TRPM3: variants seen among roughly 807,000 people sequenced by gnomAD.
The protein encoded by TRPM3 is long transient receptor potential channel 3.
Under a neutral mutation model 181.2 loss-of-function variants are expected in TRPM3, and 77 were observed. The ratio of observed to expected loss-of-function variants is 0.42; its 90% confidence interval spans 0.35 to 0.51. The LOEUF (loss-of-function observed/expected upper bound fraction) is 0.51. Among genes scored for constraint, TRPM3 ranks in the 20% least tolerant of loss-of-function variants. TRPM3 has a pLI of 0.01. For missense variants in TRPM3, 1,759 were observed against 2,196.7 expected, an observed-to-expected ratio of 0.80 and a Z score of 3.98; for synonymous variants, 745 against 796.4, an observed-to-expected ratio of 0.94 and a Z score of 1.09.
chr9:70,973,104 C>T (rs564561874), intron 1 of TRPM3, among the ~76,000 whole-genome samples: 1 of 152,214 alleles, frequency 6.6e-6, no homozygotes, highest in South Asian at 2.1e-4. Context: ...AGGAGGCAGG[C>T]CCTGGAATTT....
chr9:70,757,918 A>G (rs2077375097), intron 8 of TRPM3, among the ~76,000 whole-genome samples: 1 of 152,334 alleles, frequency 6.6e-6, no homozygotes, highest in South Asian at 2.1e-4. Flanking sequence ...GAGAACTGGC[A>G]CAAGACAGGG....
At chr9:70,979,248 G>T (rs1428570599) in intron 1 of TRPM3, among the ~76,000 whole-genome samples, 2 of 152,088 alleles carry the variant, frequency 1.3e-5, no homozygotes, top group Non-Finnish European at 2.9e-5. Flanking sequence ...TACAGACCTG[G>T]CCAGACATGG....
chr9:71,063,466 GTGT>G (rs1249015760), intron 1 of TRPM3, among the ~76,000 whole-genome samples: 1 of 152,148 alleles, frequency 6.6e-6, no homozygotes, highest in African/African-American at 2.4e-5. Flanking sequence ...TGGCAGGACT[GTGT>G]TGTTAAGTAA....
chr9:70,679,856 G>A (rs926457314), intron 9 of TRPM3, among the ~76,000 whole-genome samples: 3 of 152,090 alleles, frequency 2.0e-5, no homozygotes, highest in African/African-American at 7.2e-5. Context: ...AGGGTAACTT[G>A]CCTCAAATTT....
At chr9:70,976,435 C>T (rs761303141) in intron 1 of TRPM3, among the ~76,000 whole-genome samples, 43 of 152,098 alleles carry the variant, frequency 2.8e-4, no homozygotes, top group Non-Finnish European at 6.0e-4. Context: ...AAGCATATGC[C>T]GGAGTAAAGA....
intron 1 of TRPM3, among the ~76,000 whole-genome samples, chr9:70,877,804 A>AAGACACACAC (rs146067329): frequency 6.8e-6 from 1 of 146,112 alleles, no homozygotes; most frequent in African/African-American, 2.6e-5. Flanking sequence ...AAAATCATAA[A>AAGACACACAC]ACACACACAC....
chr9:70,855,485 G>A (rs770199634), intron 3 of TRPM3, among the ~76,000 whole-genome samples: 4 of 152,118 alleles, frequency 2.6e-5, no homozygotes, highest in Admixed American at 6.5e-5. Context: ...CTACTCTCTC[G>A]GAAATATTAA....
chr9:71,073,311 G>A (rs932907985), intron 1 of TRPM3, among the ~76,000 whole-genome samples: 1 of 152,158 alleles, frequency 6.6e-6, no homozygotes, highest in Non-Finnish European at 1.5e-5. Context: ...TTGAGCCAAA[G>A]TCTTACTTTT....
intron 1 of TRPM3, among the ~76,000 whole-genome samples, chr9:71,072,877 ATGTGAACT>A (rs1271511246): frequency 6.6e-6 from 1 of 152,168 alleles, no homozygotes; most frequent in African/African-American, 2.4e-5. Flanking sequence ...GTTAGCAATA[ATGTGAACT>A]TGTGATCAAT....
In TRPM3 at chr9:70,562,613, T is replaced by C. The variant is rs149392537; in HGVS notation, c.3224-9303A>G. ...CAAATCTAGGTATGTTGTGTGTGTGTTGGGCAGGGGGGAGGTATGGGGGGA... is the reference window on the plus strand; with the variant it reads ...CAAATCTAGGTATGTTGTGTGTGTGCTGGGCAGGGGGGAGGTATGGGGGGA... On this transcript the variant is annotated intron_variant, in intron 22 of 25. Transcript: ENST00000677713. 2.9e-3 allele frequency among the ~76,000 whole-genome samples: 365 copies of C among 125,982 alleles called. 4 individuals carry two copies. Among genetic ancestry groups the C allele is most frequent in the African/African-American group, 0.01 (343 of 33,752 alleles). The allele number at this position is 125,982 out of a possible 152,430, so 82.6% of individuals were successfully genotyped here.
chr9:70,549,902 G>T (rs1205984868), intron 24 of TRPM3, among the ~76,000 whole-genome samples: 1 of 152,142 alleles, frequency 6.6e-6, no homozygotes, highest in Non-Finnish European at 1.5e-5. Flanking sequence ...AGCATATCTG[G>T]TTTACTGCAG....
chr9:71,390,307 A>C (rs1392601101), intron 1 of TRPM3, among the ~76,000 whole-genome samples: 1 of 152,064 alleles, frequency 6.6e-6, no homozygotes, highest in African/African-American at 2.4e-5. Context: ...TATACACATA[A>C]AGGAAACTTA....
At position 71,318,013 on chromosome 9, in the gene TRPM3, G is replaced by T. The variant is rs1464108452; in HGVS notation, c.183+128640C>A. ...GCCTGTAATCCCAGCATTTTGAAAG[G>T]CCAAGGCAAGAGGATTGCTTAAGGC... On this transcript the variant is annotated intron_variant, in intron 1 of 24. Coordinates refer to the TRPM3 transcript ENST00000357533. Among the ~76,000 whole-genome samples the T allele has an allele frequency of 2.0e-5, 3 of 152,150 alleles. No individual in the cohort carries two copies. The South Asian group carries it at 6.2e-4, about 31-fold the overall frequency.
chr9:71,270,074 T>A (rs962108784), intron 1 of TRPM3, among the ~76,000 whole-genome samples: 84 of 152,316 alleles, frequency 5.5e-4, no homozygotes, highest in African/African-American at 1.9e-3. Context: ...TATGTAGTCA[T>A]GCAGTTAATG....
At chr9:70,604,680 G>A (rs1420257292) in intron 19 of TRPM3, among the ~76,000 whole-genome samples, 2 of 152,084 alleles carry the variant, frequency 1.3e-5, no homozygotes, top group African/African-American at 4.8e-5. Flanking sequence ...TCTCACTCTC[G>A]TCACCCAGGC....
At chr9:70,546,061 G>A (rs1481406457) in intron 25 of TRPM3, among the ~76,000 whole-genome samples, 3 of 152,294 alleles carry the variant, frequency 2.0e-5, no homozygotes, top group African/African-American at 7.2e-5. Context: ...CATTGATCAG[G>A]TGTGTGGAGG....
intron 1 of TRPM3, among the ~76,000 whole-genome samples, chr9:71,228,656 G>C (rs531401090): frequency 1.3e-5 from 2 of 152,186 alleles, no homozygotes; most frequent in South Asian, 4.1e-4. Context: ...AAAATCAGTA[G>C]CATTTCTATA....
At chr9:70,753,584 TG>T (rs1431390258) in intron 8 of TRPM3, among the ~76,000 whole-genome samples, 14 of 152,232 alleles carry the variant, frequency 9.2e-5, no homozygotes, top group South Asian at 4.1e-4. Context: ...AAAGACATAG[TG>T]CAAACTCTCA....
At chr9:70,765,914 A>C (rs6560150) in intron 7 of TRPM3, among the ~76,000 whole-genome samples, 66,403 of 151,988 alleles carry the variant, frequency 0.44, 15,439 homozygotes, top group African/African-American at 0.6. Flanking sequence ...ATTGATTGAA[A>C]ATTTCTTGAC....
Sources: gnomAD v4.1 joint callset for allele counts (sites outside exome capture counted in the v4.1 genomes callset) on GRCh38, gnomAD v4.1.1 for gene constraint, MANE v1.5 for transcripts, NCBI Gene and HGNC (gene_info 2026-07-23, HGNC 2026-07-21) for gene names.